The following SORCS2 variants were observed in gnomAD, a reference collection of about 807,000 sequenced individuals.
SORCS2 encodes VPS10 domain-containing receptor SorCS2.
A neutral mutation model predicts 141.6 loss-of-function variants in SORCS2; 100 were observed. The observed-to-expected ratio is 0.71, with a 90% CI of 0.60 to 0.83. SORCS2 has a LOEUF of 0.83. Ranked by LOEUF, SORCS2 falls within the 40% of genes least tolerant of loss-of-function variation. The pLI, the probability that SORCS2 is intolerant of heterozygous loss-of-function variation, is 0.00. For synonymous variants in SORCS2, 789 were observed against 676.9 expected, an observed-to-expected ratio of 1.17 and a Z score of -2.57; for missense variants, 1,646 against 1,560.2, an observed-to-expected ratio of 1.05 and a Z score of -0.93.
intron 1 of SORCS2, among the ~76,000 whole-genome samples, chr4:7,291,139 G>T (rs530773975): frequency 6.6e-6 from 1 of 152,236 alleles, no homozygotes; most frequent in East Asian, 1.9e-4. Context: ...GGTGTCTAAG[G>T]CAGAGGCACC....
At position 7,715,275 on chromosome 4, in the gene SORCS2, A is replaced by G. The variant is rs1169280241; in HGVS notation, c.2216A>G (p.Asp739Gly). Residue 739 changes from aspartate (D) to glycine (G), a missense_variant, in exon 17 of 27, where the codon GAC becomes GGC. Asp to Gly is a moderately conservative substitution (Grantham distance 94). Transcript: ENST00000507866. ...FWFNPLSPPD[D>G]CALGQTYTSS... is the part of the protein sequence containing the mutation. ...TTTAACCCATTGTCCCCGCCTGACGACTGTGCCCTGGGCCAGACCTACACC... is the reference window on the plus strand; with the variant it reads ...TTTAACCCATTGTCCCCGCCTGACGGCTGTGCCCTGGGCCAGACCTACACC... The G allele has an allele frequency of 1.9e-6, 3 of 1,613,802 alleles. No homozygotes were observed. The African/African-American group carries it at 4.0e-5, about 22-fold the overall frequency.
chr4:7,314,331 TATTTTTTTTA>T (rs1344982360), intron 1 of SORCS2, among the ~76,000 whole-genome samples: 9,658 of 131,236 alleles, frequency 0.074, 893 homozygotes, highest in African/African-American at 0.2. Flanking sequence ...GCCTTTTTTT[TATTTTTTTTA>T]TTTTTTTTTA....
At chr4:7,599,389 C>T (rs756037038) in intron 3 of SORCS2, among the ~76,000 whole-genome samples, 3 of 152,188 alleles carry the variant, frequency 2.0e-5, no homozygotes, top group Non-Finnish European at 4.4e-5. Context: ...CAGCACCGTC[C>T]CCCGCCAAGC....
rs1711719172 is a variant in SORCS2, at chr4:7,532,210, C to T, written c.648+581C>T. Among the ~76,000 whole-genome samples the T allele has an allele frequency of 3.3e-5, 5 of 152,176 alleles. No individual in the cohort carries two copies. In the South Asian group the frequency reaches 1.0e-3, roughly 32 times the overall value. ...CGTGTGTTTGTGTCCTGGCCCACCC[C>T]CTGAGCCCAGATCAAGGTCGGCAGA... On this transcript the variant is annotated intron_variant, in intron 3 of 26. Coordinates refer to ENST00000507866, the MANE Select transcript of SORCS2 (RefSeq NM_020777.3).
intron 1 of SORCS2, among the ~76,000 whole-genome samples, chr4:7,307,252 A>T (rs1717894532): frequency 1.3e-5 from 2 of 152,154 alleles, no homozygotes; most frequent in African/African-American, 4.8e-5. Context: ...GGGATCGTTC[A>T]CGGGTCCTGG....
At chr4:7,327,946 G>C (rs570438587) in intron 1 of SORCS2, among the ~76,000 whole-genome samples, 3 of 150,906 alleles carry the variant, frequency 2.0e-5, no homozygotes, top group Admixed American at 2.0e-4. Flanking sequence ...ACTATGACAC[G>C]TCTCAGGAAC....
chr4:7,646,909 G>A (rs1721119612), intron 4 of SORCS2, among the ~76,000 whole-genome samples: 1 of 152,194 alleles, frequency 6.6e-6, no homozygotes. Flanking sequence ...GCGCGTTTTG[G>A]GATCAGGGTG....
At position 7,715,648 on chromosome 4, in the gene SORCS2, C is replaced by A. The variant is rs189967932; in HGVS notation, c.2252+337C>A. ...CAATAGACAGAAAAGGTCCAAGGTG[C>A]CCATGGCTCACACCTGCTGCAGCAC... On this transcript the variant is annotated intron_variant, in intron 17 of 26. Transcript: ENST00000507866. 2.1e-3 allele frequency among the ~76,000 whole-genome samples: 315 copies of A among 152,320 alleles called. 3 individuals are homozygous for A. Among genetic ancestry groups the A allele is most frequent in the African/African-American group, 7.2e-3 (300 of 41,570 alleles).
intron 24 of SORCS2, 42 bp from the exon 25 acceptor site, chr4:7,734,230 G>T: frequency 2.7e-6 from 4 of 1,456,742 alleles, no homozygotes; most frequent in Non-Finnish European, 3.7e-6. Flanking sequence ...ACAGGGATGG[G>T]CGGTGCCCGA....
At chr4:7,317,924 T>G (rs1210706772) in intron 1 of SORCS2, among the ~76,000 whole-genome samples, 1 of 152,202 alleles carries the variant, frequency 6.6e-6, no homozygotes, top group Non-Finnish European at 1.5e-5. Flanking sequence ...AATTTAAATG[T>G]TGAAGTCCGA....
chr4:7,552,766 A>C (rs577676274), intron 3 of SORCS2, among the ~76,000 whole-genome samples: 13 of 152,172 alleles, frequency 8.5e-5, no homozygotes, highest in African/African-American at 2.6e-4. Flanking sequence ...TCTCCACTCC[A>C]GCACCCCTGA....
At chr4:7,218,143 C>G (rs977928289) in intron 1 of SORCS2, among the ~76,000 whole-genome samples, 1 of 152,092 alleles carries the variant, frequency 6.6e-6, no homozygotes, top group African/African-American at 2.4e-5. Context: ...TGGAGGTTTC[C>G]GAGTGGGCGG....
chr4:7,300,809 C>T (rs1717382708), intron 1 of SORCS2, among the ~76,000 whole-genome samples: 1 of 152,188 alleles, frequency 6.6e-6, no homozygotes, highest in Non-Finnish European at 1.5e-5. Flanking sequence ...CTGCAGCCAG[C>T]CTTGACCTGG....
chr4:7,700,472 C>G (rs1042757054), intron 12 of SORCS2, among the ~76,000 whole-genome samples: 3 of 152,182 alleles, frequency 2.0e-5, no homozygotes, highest in Non-Finnish European at 4.4e-5. Flanking sequence ...AGGACCCAGA[C>G]CAATGGGTCT....
At chr4:7,234,262 T>C (rs1425985801) in intron 1 of SORCS2, among the ~76,000 whole-genome samples, 1 of 152,226 alleles carries the variant, frequency 6.6e-6, no homozygotes, top group African/African-American at 2.4e-5. Context: ...AGCGTGGGCT[T>C]TGCAGTTGTG....
At chr4:7,362,723 C>G (rs1438567334) in intron 1 of SORCS2, among the ~76,000 whole-genome samples, 1 of 151,578 alleles carries the variant, frequency 6.6e-6, no homozygotes, top group Non-Finnish European at 1.5e-5. Context: ...TCATTACCAC[C>G]AGCACTATCA....
chr4:7,415,580 C>G (rs111802465), intron 2 of SORCS2, among the ~76,000 whole-genome samples: 1 of 152,212 alleles, frequency 6.6e-6, no homozygotes, highest in Non-Finnish European at 1.5e-5. Flanking sequence ...CCTGCAAAGT[C>G]CCTTTGGCCA....
At chr4:7,475,920 T>C (rs944372878) in intron 2 of SORCS2, among the ~76,000 whole-genome samples, 1 of 152,214 alleles carries the variant, frequency 6.6e-6, no homozygotes, top group African/African-American at 2.4e-5. Context: ...GTCGTCCATG[T>C]TCTTGTCCCT....
At chr4:7,379,175 C>T (rs1018672130) in intron 1 of SORCS2, among the ~76,000 whole-genome samples, 5 of 152,178 alleles carry the variant, frequency 3.3e-5, no homozygotes, top group African/African-American at 7.2e-5. Context: ...GCCAGCTCTC[C>T]GTGTGGGCCT....
Sources: gnomAD v4.1 joint callset for allele counts (sites outside exome capture counted in the v4.1 genomes callset) on GRCh38, gnomAD v4.1.1 for gene constraint, MANE v1.5 for transcripts, NCBI Gene and HGNC (gene_info 2026-07-23, HGNC 2026-07-21) for gene names.